The following TENM2 variants were observed in gnomAD, a reference collection of about 807,000 sequenced individuals.
The protein encoded by TENM2 is teneurin transmembrane protein 2.
In TENM2, 52 loss-of-function variants were observed where a neutral mutation model predicts 245.2. That is an observed-to-expected ratio of 0.21 (90% confidence interval 0.17 to 0.27). The LOEUF (loss-of-function observed/expected upper bound fraction) is 0.27, where lower values mean the gene tolerates loss of function less well. TENM2 is among the 10% of genes least tolerant of loss of function. The pLI, the probability that TENM2 is intolerant of heterozygous loss-of-function variation, is 1.00. For missense variants in TENM2, 3,046 were observed against 3,666.8 expected (o/e 0.83, Z 4.37); for synonymous variants, 1,363 against 1,438.9 (o/e 0.95, Z 1.19).
chr5:167,920,771 G>C (rs1479042279), intron 3 of TENM2, among the ~76,000 whole-genome samples: 1 of 152,160 alleles, frequency 6.6e-6, no homozygotes, highest in Non-Finnish European at 1.5e-5. Context: ...TGTGTATTTA[G>C]TGCCATTCAT....
intron 2 of TENM2, among the ~76,000 whole-genome samples, chr5:167,765,436 A>G (rs1274707900): frequency 6.6e-6 from 1 of 152,114 alleles, no homozygotes; most frequent in Non-Finnish European, 1.5e-5. Context: ...CTTGATTTGT[A>G]CCTTCTGAAT....
intron 2 of TENM2, among the ~76,000 whole-genome samples, chr5:167,778,709 G>A (rs1460626358): frequency 6.6e-6 from 1 of 152,026 alleles, no homozygotes; most frequent in African/African-American, 2.4e-5. Context: ...TAGCAGTATA[G>A]CACAATTTTT....
the TENM2 span, among the ~76,000 whole-genome samples, chr5:167,062,953 C>A: frequency 6.6e-6 from 1 of 152,104 alleles, no homozygotes; most frequent in Non-Finnish European, 1.5e-5. Context: ...CTCCTTAATG[C>A]CAAAATTCAA....
At chr5:167,310,965 A>G (rs1318241021) in intron 1 of TENM2, among the ~76,000 whole-genome samples, 4 of 152,246 alleles carry the variant, frequency 2.6e-5, no homozygotes, top group Admixed American at 6.5e-5. Flanking sequence ...AGCATCCTCT[A>G]GATCAAAATA....
At chr5:167,549,020 TTC>T (rs751423843) in intron 2 of TENM2, among the ~76,000 whole-genome samples, 15 of 152,208 alleles carry the variant, frequency 9.9e-5, no homozygotes, top group Non-Finnish European at 1.5e-4. Context: ...TCCTTCTCCT[TTC>T]TCTCTCCGTC....
intron 1 of TENM2, chr5:167,303,080 T>G (rs1005608338): frequency 6.5e-6 from 1 of 152,984 alleles, no homozygotes; most frequent in Admixed American, 6.5e-5. Flanking sequence ...GGTTGACGGT[T>G]AGTGAGAGAG....
intron 13 of TENM2, among the ~76,000 whole-genome samples, chr5:168,185,956 ATATATATATTTGAATT>A (rs1244478572): frequency 1.9e-3 from 8 of 4,134 alleles, no homozygotes; most frequent in East Asian, 0.023. Context: ...ATATATATAT[ATATATATATTTGAATT>A]TATATATATA....
chr5:168,200,215 T>G (rs1301152635), intron 17 of TENM2, 84 bp downstream of exon 19: 2 of 1,269,594 alleles, frequency 1.6e-6, no homozygotes, highest in South Asian at 1.5e-5. Flanking sequence ...TCCGAGGATA[T>G]GCCAAGCACC....
chr5:168,038,884 C>T (rs1787935672), intron 5 of TENM2, among the ~76,000 whole-genome samples: 1 of 152,148 alleles, frequency 6.6e-6, no homozygotes, highest in Non-Finnish European at 1.5e-5. Flanking sequence ...CATGTTCCCC[C>T]AGTTTCAGGA....
At chr5:167,061,577 G>T in the TENM2 span, among the ~76,000 whole-genome samples, 13 of 152,256 alleles carry the variant, frequency 8.5e-5, no homozygotes, top group Admixed American at 5.9e-4. Flanking sequence ...GATGGCCACA[G>T]TAATTTTTCT....
chr5:167,781,623 T>C (rs1428611855), intron 2 of TENM2, among the ~76,000 whole-genome samples: 4 of 152,220 alleles, frequency 2.6e-5, no homozygotes, highest in Middle Eastern at 3.4e-3. Context: ...AGTGATCAGG[T>C]GAGTATGTGG....
the TENM2 span, among the ~76,000 whole-genome samples, chr5:167,038,180 C>A: frequency 1.3e-5 from 2 of 152,146 alleles, no homozygotes; most frequent in Non-Finnish European, 2.9e-5. Flanking sequence ...TGGCAAAGGG[C>A]GCAGGAGAAA....
chr5:167,402,962 T>C (rs1444589760), intron 2 of TENM2, among the ~76,000 whole-genome samples: 1 of 152,124 alleles, frequency 6.6e-6, no homozygotes, highest in Non-Finnish European at 1.5e-5. Flanking sequence ...AAGAAGTATA[T>C]GCTTAAAGCT....
the TENM2 span, among the ~76,000 whole-genome samples, chr5:167,238,819 A>G: frequency 6.6e-6 from 1 of 152,144 alleles, no homozygotes; most frequent in African/African-American, 2.4e-5. Context: ...TTCTTCACTG[A>G]TCAGGAAGAG....
At chr5:167,480,565 C>T (rs1206073337) in intron 2 of TENM2, among the ~76,000 whole-genome samples, 1 of 152,160 alleles carries the variant, frequency 6.6e-6, no homozygotes, top group Non-Finnish European at 1.5e-5. Context: ...TTAGAAATAA[C>T]TTAGGCCTGG....
At chr5:167,203,076 C>T in the TENM2 span, among the ~76,000 whole-genome samples, 1 of 152,166 alleles carries the variant, frequency 6.6e-6, no homozygotes, top group African/African-American at 2.4e-5. Flanking sequence ...CAATCCAATG[C>T]AGAACACATA....
the TENM2 span, among the ~76,000 whole-genome samples, chr5:167,256,262 C>A: frequency 4.6e-5 from 7 of 152,126 alleles, no homozygotes; most frequent in Non-Finnish European, 4.4e-5. Context: ...TGAAAGCAGG[C>A]ATTCAGGTTT....
At chr5:167,464,089 A>G (rs568795433) in intron 2 of TENM2, among the ~76,000 whole-genome samples, 12 of 152,312 alleles carry the variant, frequency 7.9e-5, no homozygotes, top group Admixed American at 3.9e-4. Flanking sequence ...GCCTCAGGGG[A>G]CTTAATGACA....
the TENM2 span, among the ~76,000 whole-genome samples, chr5:167,145,040 C>G: frequency 6.6e-6 from 1 of 152,196 alleles, no homozygotes; most frequent in Non-Finnish European, 1.5e-5. Context: ...CCAATCTCCG[C>G]TTTTGCCACA....
Sources: allele counts gnomAD v4.1 joint callset (sites outside exome capture counted in the v4.1 genomes callset), GRCh38; gene constraint gnomAD v4.1.1; transcripts MANE v1.5; gene names NCBI Gene and HGNC (gene_info 2026-07-23, HGNC 2026-07-21).